The following LAMC1 variants were observed in gnomAD, a reference collection of about 807,000 sequenced individuals.
The protein encoded by LAMC1 is laminin subunit gamma-1.
In LAMC1, 38 loss-of-function variants were observed where a neutral mutation model predicts 173.6. The observed-to-expected ratio is 0.22, with a 90% CI of 0.17 to 0.29. LAMC1 has a LOEUF of 0.29. LAMC1 is among the 10% of genes least tolerant of loss of function. The pLI is 1.00. For synonymous variants in LAMC1, 746 were observed against 749.1 expected, an observed-to-expected ratio of 1.00 and a Z score of 0.07; for missense variants, 1,824 against 2,051.8, an observed-to-expected ratio of 0.89 and a Z score of 2.14.
chr1:183,104,144 G>A (rs756396958), intron 2 of LAMC1, among the ~76,000 whole-genome samples: 1 of 152,160 alleles, frequency 6.6e-6, no homozygotes, highest in African/African-American at 2.4e-5. Context: ...TGTCTGGCAC[G>A]ATTGCTGATC....
intron 1 of LAMC1, among the ~76,000 whole-genome samples, chr1:183,079,405 C>CCACTACACCCA (rs1485740324): frequency 6.6e-6 from 1 of 151,888 alleles, no homozygotes; most frequent in African/African-American, 2.4e-5. Context: ...CAGGCACATG[C>CCACTACACCCA]CACTACACCC....
At chr1:183,062,929 G>T in intron 1 of LAMC1, among the ~76,000 whole-genome samples, 1 of 152,048 alleles carries the variant, frequency 6.6e-6, no homozygotes, top group East Asian at 1.9e-4. Context: ...CTCCAGCCTG[G>T]GCAGATAGAG....
In LAMC1 at chr1:183,108,370, A is replaced by G; in HGVS notation, c.818A>G (p.Tyr273Cys). Residue 273 changes from tyrosine to cysteine, a missense_variant, in exon 3 of 28, where the codon TAT becomes TGT. Transcript: ENST00000258341. ...VFNDPKVLKS[Y>C]YYAISDFAVG... is the part of the protein sequence containing the mutation. ...AACGATCCCAAAGTTCTCAAGTCCTATTATTATGCCATCTCTGATTTTGCT... is the reference window on the plus strand; with the variant it reads ...AACGATCCCAAAGTTCTCAAGTCCTGTTATTATGCCATCTCTGATTTTGCT... The G allele has an allele frequency of 6.2e-7, 1 of 1,613,524 alleles. No individual in the cohort carries two copies. Among genetic ancestry groups the G allele is most frequent in the Non-Finnish European group, 8.5e-7 (1 of 1,179,622 alleles).
chr1:183,083,172 G>A (rs1235068987), intron 1 of LAMC1, among the ~76,000 whole-genome samples: 1 of 152,172 alleles, frequency 6.6e-6, no homozygotes, highest in African/African-American at 2.4e-5. Context: ...TACCATCAAA[G>A]GTAGATTCCC....
At chr1:183,038,382 T>C (rs1654038119) in intron 1 of LAMC1, among the ~76,000 whole-genome samples, 1 of 152,194 alleles carries the variant, frequency 6.6e-6, no homozygotes, top group Admixed American at 6.5e-5. Context: ...GGAGAGTGGG[T>C]GGCACCCTGT....
At chr1:183,066,175 A>C (rs1379952234) in intron 1 of LAMC1, among the ~76,000 whole-genome samples, 1 of 152,212 alleles carries the variant, frequency 6.6e-6, no homozygotes, top group Non-Finnish European at 1.5e-5. Context: ...AAATTGAATC[A>C]AAATCTAGCA....
intron 1 of LAMC1, among the ~76,000 whole-genome samples, chr1:183,100,669 A>G (rs1655809978): frequency 6.6e-6 from 1 of 152,178 alleles, no homozygotes; most frequent in Non-Finnish European, 1.5e-5. Context: ...ATGCTTTCCA[A>G]ACATGATGTA....
Position 183,107,104 on chromosome 1 carries a change from C to T in LAMC1, c.724-1172C>T, listed in dbSNP as rs555550399. ...AACCTAGGGAAAAACTCTACAGCCC[C>T]CATGCTTGTCCTCTGCCATTATGGT... On this transcript the variant is annotated intron_variant, in intron 2 of 27. Coordinates refer to ENST00000258341, the MANE Select transcript of LAMC1 (RefSeq NM_002293.4). Among the ~76,000 whole-genome samples, 28 of 152,302 alleles carry T rather than the reference C, an allele frequency of 1.8e-4. No homozygotes were observed. The South Asian group carries it at 5.8e-3, about 32-fold the overall frequency.
At position 183,127,422 on chromosome 1, in the gene LAMC1, C is replaced by T. The variant is rs367944675; in HGVS notation, c.3123+18C>T. The T allele has an allele frequency of 6.2e-7, 1 of 1,606,292 alleles. No individual in the cohort carries two copies. The highest frequency in any genetic ancestry group is 8.5e-7 in the Non-Finnish European group (1 of 1,173,608). ...AGGATAAGGTAAGCTGTCAATAGTG[C>T]ATTCATTCATTCATCCAGCAGACGT... On this transcript the variant is annotated intron_variant, in intron 17 of 27. Transcript: ENST00000258341.
At chr1:183,131,426 G>GGT (rs1553258259) in intron 20 of LAMC1, 48 bp downstream of exon 20, 4 of 906,626 alleles carry the variant, frequency 4.4e-6, no homozygotes, top group Non-Finnish European at 6.6e-6. Context: ...CTTCTGTTAT[G>GGT]GGGTGTGTGT....
In LAMC1 at chr1:183,142,812, G is replaced by C. The variant is rs375955439; in HGVS notation, c.*22G>C. The stretch of plus-strand genomic sequence containing the variant: ...CTAGTGTCTTTAGGGCTGGAAGGCA[G>C]CATCCCTCTGACAGGGGGGCAGTTG... On this transcript the variant is annotated 3_prime_UTR_variant, in exon 28 of 28. Coordinates refer to ENST00000258341, the MANE Select transcript of LAMC1 (RefSeq NM_002293.4). 139 of 1,583,798 alleles carry C rather than the reference G, an allele frequency of 8.8e-5. No homozygotes were observed. Among genetic ancestry groups the C allele is most frequent in the Non-Finnish European group, 1.1e-4 (133 of 1,165,712 alleles).
intron 1 of LAMC1, among the ~76,000 whole-genome samples, chr1:183,078,972 G>A (rs1396943373): frequency 6.6e-6 from 1 of 152,090 alleles, no homozygotes; most frequent in Non-Finnish European, 1.5e-5. Context: ...TCCAGCCTGG[G>A]CAACAAGAGC....
rs990173123 is a variant in LAMC1 at position 183,126,147 on chromosome 1, C to G, written c.2829C>G (p.Thr943=). 3.7e-6 allele frequency: 6 copies of G among 1,614,168 alleles called. No individual in the cohort carries two copies. Among genetic ancestry groups the G allele is most frequent in the Non-Finnish European group, 5.1e-6 (6 of 1,180,028 alleles). ...ERCDCHALGS[T]NGQCDIRTGQ... is the part of the protein sequence containing the mutation. ...GTGACTGCCATGCCTTGGGCTCCACCAATGGGCAGTGTGACATCCGCACCG... is the reference window on the plus strand; with the variant it reads ...GTGACTGCCATGCCTTGGGCTCCACGAATGGGCAGTGTGACATCCGCACCG... The change falls in exon 16 of 28, where the codon ACC becomes ACG. Residue 943 remains threonine (T), a synonymous_variant. Transcript: ENST00000258341.
rs1377535207 is a variant in LAMC1 at position 183,023,971 on chromosome 1, C to A, written c.255C>A (p.Val85=). 1 of 1,613,308 alleles carries A rather than the reference C, an allele frequency of 6.2e-7. No individual in the cohort carries two copies. Among genetic ancestry groups the A allele is most frequent in the South Asian group, 1.1e-5 (1 of 91,070 alleles). ...GTGTGCAGACCGGGGTGACCGGGGT[C>A]ACCAAGTCCTGTCACCTGTGCGACG... ...EYCVQTGVTG[V]TKSCHLCDAG... The change falls in exon 1 of 28, where the codon GTC becomes GTA. Residue 85 remains valine (V), a synonymous_variant. Transcript: ENST00000258341.
chr1:183,063,513 A>C (rs1364411565), intron 1 of LAMC1, among the ~76,000 whole-genome samples: 2 of 152,198 alleles, frequency 1.3e-5, no homozygotes, highest in African/African-American at 4.8e-5. Flanking sequence ...GTCTGTTACT[A>C]TTTGGAAGAT....
intron 1 of LAMC1, among the ~76,000 whole-genome samples, chr1:183,084,080 C>T (rs1385649642): frequency 2.0e-5 from 3 of 152,160 alleles, no homozygotes; most frequent in Admixed American, 6.5e-5. Context: ...ATTGGCTGGG[C>T]GCTGTGGCTC....
intron 1 of LAMC1, among the ~76,000 whole-genome samples, chr1:183,072,606 CAG>C (rs1655036637): frequency 6.6e-6 from 1 of 152,202 alleles, no homozygotes; most frequent in South Asian, 2.1e-4. Flanking sequence ...CAGGTTAAAA[CAG>C]GGGTCCCCAA....
At chr1:183,119,615 G>A (rs1320141549) in intron 11 of LAMC1, among the ~76,000 whole-genome samples, 1 of 152,112 alleles carries the variant, frequency 6.6e-6, no homozygotes, top group African/African-American at 2.4e-5. Flanking sequence ...CATGCCTGTA[G>A]TCCCAGCTTC....
intron 19 of LAMC1, 112 bp from the exon 20 acceptor site, chr1:183,131,187 A>AAAAT: frequency 2.8e-6 from 2 of 713,654 alleles, no homozygotes; most frequent in Non-Finnish European, 2.4e-6. Flanking sequence ...AAAAAAAAAA[A>AAAAT]AAAGGTAGAG....
Sources: gnomAD v4.1 joint callset for allele counts (sites outside exome capture counted in the v4.1 genomes callset) on GRCh38, gnomAD v4.1.1 for gene constraint, MANE v1.5 for transcripts, NCBI Gene and HGNC (gene_info 2026-07-23, HGNC 2026-07-21) for gene names.